MGMT: variants seen among roughly 807,000 people sequenced by gnomAD.
MGMT encodes methylated-DNA--protein-cysteine methyltransferase.
A neutral mutation model predicts 15.9 loss-of-function variants in MGMT; 14 were observed. The observed-to-expected ratio is 0.88, with a 90% confidence interval of 0.58 to 1.37. The LOEUF (loss-of-function observed/expected upper bound fraction) is 1.37, where lower values mean the gene tolerates loss of function less well. MGMT is among the 40% of genes most tolerant of loss of function. MGMT has a pLI of 0.00. For synonymous variants in MGMT, 130 were observed against 118.2 expected (o/e 1.10, Z -0.65); for missense variants, 282 against 268.1 (o/e 1.05, Z -0.36).
intron 1 of MGMT, among the ~76,000 whole-genome samples, chr10:129,516,914 T>C (rs1845744350): frequency 6.6e-6 from 1 of 152,200 alleles, no homozygotes; most frequent in East Asian, 1.9e-4. Flanking sequence ...CCTTTGAGAA[T>C]TTATGCAGCA....
chr10:129,688,093 A>G (rs567482099), intron 2 of MGMT, among the ~76,000 whole-genome samples: 3 of 152,192 alleles, frequency 2.0e-5, no homozygotes, highest in Admixed American at 6.5e-5. Flanking sequence ...AATCCAGTCT[A>G]TCATGGATGG....
chr10:129,654,163 G>A (rs768474070), intron 2 of MGMT, among the ~76,000 whole-genome samples: 24 of 152,182 alleles, frequency 1.6e-4, no homozygotes, highest in Non-Finnish European at 2.9e-4. Context: ...TAAAGATGCA[G>A]GTGGGAAGCT....
chr10:129,610,646 T>C (rs1024988078), intron 2 of MGMT, among the ~76,000 whole-genome samples: 2 of 152,260 alleles, frequency 1.3e-5, no homozygotes, highest in Non-Finnish European at 2.9e-5. Flanking sequence ...TACAATTTTA[T>C]TGGAACACAC....
chr10:129,516,875 T>C (rs1252470949), intron 1 of MGMT, among the ~76,000 whole-genome samples: 1 of 152,188 alleles, frequency 6.6e-6, no homozygotes, highest in Admixed American at 6.5e-5. Flanking sequence ...ATAGCAGAAA[T>C]GGAAATCCGC....
chr10:129,490,542 A>G (rs2119655620), intron 1 of MGMT, among the ~76,000 whole-genome samples: 1 of 152,140 alleles, frequency 6.6e-6, no homozygotes, highest in Admixed American at 6.5e-5. Flanking sequence ...TAGGTTAATT[A>G]TATGAAGCTA....
At chr10:129,654,480 C>G (rs1411861078) in intron 2 of MGMT, among the ~76,000 whole-genome samples, 2 of 152,178 alleles carry the variant, frequency 1.3e-5, no homozygotes, top group African/African-American at 4.8e-5. Flanking sequence ...GGACAGAAAT[C>G]ACATACCCCT....
At chr10:129,640,310 C>G (rs909499040) in intron 2 of MGMT, among the ~76,000 whole-genome samples, 8 of 152,106 alleles carry the variant, frequency 5.3e-5, no homozygotes, top group Non-Finnish European at 1.0e-4. Context: ...ATTGGCCAGG[C>G]TGGTCTCAAA....
intron 1 of MGMT, among the ~76,000 whole-genome samples, chr10:129,528,876 C>T (rs776459884): frequency 5.9e-5 from 9 of 152,196 alleles, no homozygotes; most frequent in East Asian, 5.8e-4. Context: ...GGCTTCTCCT[C>T]GCTCTTTGGC....
intron 2 of MGMT, among the ~76,000 whole-genome samples, chr10:129,574,079 C>A (rs1461887450): frequency 6.6e-6 from 1 of 152,176 alleles, no homozygotes; most frequent in East Asian, 1.9e-4. Context: ...ATTGATGGAG[C>A]TTGTAATTGT....
At chr10:129,467,578 GCCCCAGGCCCGGGC>G (rs1845183285) in intron 1 of MGMT, 7 of 324,822 alleles carry the variant, frequency 2.2e-5, no homozygotes, top group Non-Finnish European at 3.1e-5. Flanking sequence ...CTAGGTGCCA[GCCCCAGGCCCGGGC>G]CCCGGGTTCT....
At chr10:129,668,023 T>C (rs1274017409) in intron 2 of MGMT, among the ~76,000 whole-genome samples, 1 of 152,218 alleles carries the variant, frequency 6.6e-6, no homozygotes, top group Non-Finnish European at 1.5e-5. Context: ...CTCCACTCTT[T>C]GGCTTGCCTT....
At chr10:129,727,891 AAC>A (rs1304165495) in intron 3 of MGMT, among the ~76,000 whole-genome samples, 1 of 152,196 alleles carries the variant, frequency 6.6e-6, no homozygotes, top group Non-Finnish European at 1.5e-5. Flanking sequence ...ATGGGATTTG[AAC>A]ACATGGAGTA....
intron 2 of MGMT, among the ~76,000 whole-genome samples, chr10:129,608,379 T>A (rs1454565812): frequency 6.6e-6 from 1 of 152,218 alleles, no homozygotes; most frequent in African/African-American, 2.4e-5. Context: ...CGCAGCTGCG[T>A]CGGTGGGGCC....
intron 1 of MGMT, among the ~76,000 whole-genome samples, chr10:129,489,617 TG>T (rs1323933199): frequency 7.9e-4 from 121 of 152,224 alleles, no homozygotes; most frequent in African/African-American, 2.9e-3. Context: ...TTGCACTCTC[TG>T]TCTCTCTTGG....
rs924464652 is a variant in MGMT, at chr10:129,532,698, G to A, written c.-12-3543G>A. Among the ~76,000 whole-genome samples the A allele has an allele frequency of 1.3e-5, 2 of 152,152 alleles. No homozygotes were observed. The highest frequency in any genetic ancestry group is 6.5e-5 in the Admixed American group (1 of 15,284). ...CGAGGTGTGGTCTGTGCAGAATGGC[G>A]TGACAGCCCTTCCAGCCCGTCACGG... is the stretch of plus-strand genomic sequence containing the variant. On this transcript the variant is annotated intron_variant, in intron 1 of 4. Transcript: ENST00000651593. The surrounding 1 kb of genome is among the most constrained non-coding windows in gnomAD (Gnocchi z 5.3).
intron 2 of MGMT, among the ~76,000 whole-genome samples, chr10:129,583,770 A>G (rs754036990): frequency 9.9e-5 from 15 of 152,194 alleles, no homozygotes; most frequent in Non-Finnish European, 2.2e-4. Flanking sequence ...AGGGAAGAGT[A>G]TTCCATTCAA....
At chr10:129,679,552 T>G (rs1847824523) in intron 2 of MGMT, among the ~76,000 whole-genome samples, 1 of 152,220 alleles carries the variant, frequency 6.6e-6, no homozygotes, top group Non-Finnish European at 1.5e-5. Context: ...CAATATTTAT[T>G]AAAAGTTTCT....
At chr10:129,724,796 G>T (rs1454119136) in intron 3 of MGMT, among the ~76,000 whole-genome samples, 2 of 152,158 alleles carry the variant, frequency 1.3e-5, no homozygotes, top group Non-Finnish European at 2.9e-5. Flanking sequence ...ATGTGGCTGG[G>T]GTTTTTCATA....
intron 1 of MGMT, among the ~76,000 whole-genome samples, chr10:129,485,994 A>G (rs117558300): frequency 2.6e-5 from 4 of 152,240 alleles, no homozygotes; most frequent in East Asian, 1.9e-4. Flanking sequence ...TCAAAGGACA[A>G]TAATTTTCAA....
Sources: gnomAD v4.1 joint callset for allele counts (sites outside exome capture counted in the v4.1 genomes callset) on GRCh38, gnomAD v4.1.1 for gene constraint, Gnocchi (gnomAD v3.1) non-coding constraint, MANE v1.5 for transcripts, NCBI Gene and HGNC (gene_info 2026-07-23, HGNC 2026-07-21) for gene names.